Variants in CFAP47 observed in about 807,000 individuals in gnomAD.
CFAP47 encodes cilia and flagella associated protein 47.
A neutral mutation model predicts 148.1 loss-of-function variants in CFAP47; 29 were observed. The ratio of observed to expected loss-of-function variants is 0.20; its 90% CI spans 0.15 to 0.27. The LOEUF (loss-of-function observed/expected upper bound fraction) is 0.27, where lower values mean the gene tolerates loss of function less well. Ranked by LOEUF, CFAP47 falls within the 10% of genes least tolerant of loss-of-function variation. The pLI is 1.00. For missense variants in CFAP47, 1,872 were observed against 1,697.5 expected, an observed-to-expected ratio of 1.10 and a Z score of -1.81; for synonymous variants, 664 against 577.3, an observed-to-expected ratio of 1.15 and a Z score of -2.15.
At chrX:36,245,173 C>T (rs1403493571) in intron 48 of CFAP47, among the ~76,000 whole-genome samples, 1 of 111,030 alleles carries the variant, frequency 9.0e-6, no homozygotes, top group East Asian at 2.8e-4. Context: ...TCATGGGAAA[C>T]ACCTTCAAGA....
At chrX:36,096,688 G>C (rs1238739263) in intron 30 of CFAP47, among the ~76,000 whole-genome samples, 1 of 108,302 alleles carries the variant, frequency 9.2e-6, no homozygotes, top group Non-Finnish European at 1.9e-5. Context: ...ATTTCCATTA[G>C]CATGGGGTAT....
In CFAP47 at chrX:36,077,923, G is replaced by A. The variant is rs751091282; in HGVS notation, c.4691+4559G>A. Reference sequence around the variant, plus strand: ...ACACTCCTATAGTCTCAGCTACTAGGGAGGCTGAGGCAGGAGAATTTATTG... The same window carrying A: ...ACACTCCTATAGTCTCAGCTACTAGAGAGGCTGAGGCAGGAGAATTTATTG... On this transcript the variant is annotated intron_variant, in intron 29 of 63. Coordinates refer to ENST00000378653, the MANE Select transcript of CFAP47 (RefSeq NM_001304548.2). Among the ~76,000 whole-genome samples the A allele has an allele frequency of 2.2e-3, 248 of 110,673 alleles. 1 individual carries two copies. Among genetic ancestry groups the A allele is most frequent in the Non-Finnish European group, 3.6e-3 (191 of 52,893 alleles).
At position 36,236,843 on chromosome X, in the gene CFAP47, C is replaced by T. The variant is rs1940474474; in HGVS notation, c.7316C>T (p.Thr2439Ile). ...ATAACATTGCCTCATTTCACAAATACTGCCCTAACATTTAAGGTAAGAATT... is the reference window on the plus strand; with the variant it reads ...ATAACATTGCCTCATTTCACAAATATTGCCCTAACATTTAAGGTAAGAATT... The part of the protein sequence containing the change: ...KHITLPHFTN[T>I]ALTFKVTADL... Residue 2439 changes from threonine (T) to isoleucine (I), a missense_variant, in exon 48 of 64, where the codon ACT (threonine) becomes ATT (isoleucine). Thr to Ile is a moderately conservative substitution (Grantham distance 89). Transcript: ENST00000378653. 4.2e-6 allele frequency: 2 copies of T among 475,393 alleles called. No homozygotes were observed. Among genetic ancestry groups the T allele is most frequent in the Admixed American group, 3.3e-5 (1 of 29,868 alleles). The allele number at this position is 475,393 out of a possible 1,213,427, so 39.2% of individuals were successfully genotyped here. A position where few individuals can be genotyped will look rare whatever the true frequency, so the allele number is the denominator to read the frequency against.
chrX:36,110,010 T>C lies in CFAP47; in HGVS notation c.5320+5319T>C, dbSNP rs190516045. On this transcript the variant is annotated intron_variant, in intron 33 of 63. Coordinates refer to ENST00000378653, the MANE Select transcript of CFAP47 (RefSeq NM_001304548.2). Reference sequence around the variant, plus strand: ...ATAGATGACCTTATATTCCTTATATTAGACCTTTGTCAGGTGCATAGATTG... The same window carrying C: ...ATAGATGACCTTATATTCCTTATATCAGACCTTTGTCAGGTGCATAGATTG... Among the ~76,000 whole-genome samples the C allele has an allele frequency of 5.4e-5, 6 of 111,865 alleles. No individual in the cohort carries two copies. In the East Asian group the frequency reaches 1.4e-3, roughly 27 times the overall value.
At chrX:36,195,144 T>G (rs1268729941) in intron 42 of CFAP47, among the ~76,000 whole-genome samples, 2 of 112,904 alleles carry the variant, frequency 1.8e-5, no homozygotes, top group African/African-American at 6.4e-5. Context: ...GTCCGCTAAT[T>G]TCTATAAAAC....
chrX:36,383,256 G>A (rs781928287), intron 63 of CFAP47, among the ~76,000 whole-genome samples: 22 of 111,807 alleles, frequency 2.0e-4, no homozygotes, highest in African/African-American at 2.6e-4. Context: ...GTGTCTTGGC[G>A]AAGGTGAAGG....
At chrX:36,211,206 A>T in intron 45 of CFAP47, 1 of 247,477 alleles carries the variant, frequency 4.0e-6, no homozygotes. Flanking sequence ...AGAAGAAACA[A>T]CTAGATGCTT....
chrX:35,919,762 G>A lies in CFAP47; in HGVS notation c.-38G>A. 8.5e-7 allele frequency: 1 copy of A among 1,174,252 alleles called. No individual in the cohort carries two copies. The highest frequency in any genetic ancestry group is 1.1e-6 in the Non-Finnish European group (1 of 873,184). ...CGTCGACGCTAATCCTTGGCCGGAC[G>A]GATCCACATCTGTTTTCTGGCTACC... On this transcript the variant is annotated 5_prime_UTR_variant, in exon 1 of 64. Coordinates refer to ENST00000378653, the MANE Select transcript of CFAP47 (RefSeq NM_001304548.2).
chrX:36,111,519 G>T lies in CFAP47; in HGVS notation c.5320+6828G>T, dbSNP rs111272718. On this transcript the variant is annotated intron_variant, in intron 33 of 63. Coordinates refer to ENST00000378653, the MANE Select transcript of CFAP47 (RefSeq NM_001304548.2). ...TTCAGTTTGCCAGTATTTTGTTGAG[G>T]ATTCTTGCATCGATGTTCATCAAGG... Among the ~76,000 whole-genome samples, 1,089 of 111,796 alleles carry T rather than the reference G, an allele frequency of 9.7e-3. 8 individuals are homozygous for T. Among genetic ancestry groups the T allele is most frequent in the African/African-American group, 0.033 (1,026 of 30,788 alleles).
chrX:35,985,881 C>T, intron 15 of CFAP47: 1 of 308,445 alleles, frequency 3.2e-6, no homozygotes, highest in Non-Finnish European at 6.4e-6. Context: ...AGTCCTGCCC[C>T]TTCCTCCTAA....
In CFAP47 at chrX:36,332,782, C is replaced by A. The variant is rs782692206; in HGVS notation, c.8443+13475C>A. 2.7e-5 allele frequency among the ~76,000 whole-genome samples: 3 copies of A among 111,878 alleles called. No individual in the cohort carries two copies. The South Asian group carries it at 1.1e-3, about 41-fold the overall frequency. On this transcript the variant is annotated intron_variant, in intron 57 of 63. Coordinates refer to ENST00000378653, the MANE Select transcript of CFAP47 (RefSeq NM_001304548.2). ...AAGAAAGCTAGTAGGGGTAAAATGG[C>A]AAATGATGATACAATTATTTTGCAA...
At chrX:36,128,948 T>G (rs1938895152) in intron 33 of CFAP47, among the ~76,000 whole-genome samples, 1 of 110,129 alleles carries the variant, frequency 9.1e-6, no homozygotes, top group South Asian at 3.8e-4. Context: ...TTTTATTTTT[T>G]TTAATACATT....
chrX:36,296,146 G>A (rs1383122516), intron 51 of CFAP47, among the ~76,000 whole-genome samples: 1 of 111,553 alleles, frequency 9.0e-6, no homozygotes, highest in Non-Finnish European at 1.9e-5. Context: ...GATATTGCAA[G>A]GATGCCAAGG....
chrX:35,938,096 T>A (rs768982810), intron 2 of CFAP47, among the ~76,000 whole-genome samples: 2 of 111,860 alleles, frequency 1.8e-5, no homozygotes, highest in South Asian at 7.4e-4. Context: ...AGTGTTACGA[T>A]TTAAAAATAA....
At chrX:36,312,278 C>A (rs1556010156) in intron 56 of CFAP47, among the ~76,000 whole-genome samples, 1 of 110,076 alleles carries the variant, frequency 9.1e-6, no homozygotes, top group African/African-American at 3.3e-5. Flanking sequence ...AGTGGAAGGG[C>A]TTTGGAATTA....
chrX:36,315,044 T>C (rs781973694), intron 56 of CFAP47, among the ~76,000 whole-genome samples: 2 of 111,929 alleles, frequency 1.8e-5, no homozygotes, highest in Non-Finnish European at 3.8e-5. Flanking sequence ...CCCTAAAGCC[T>C]GAGAATCTGT....
chrX:36,030,082 T>G (rs1249618548), intron 22 of CFAP47, among the ~76,000 whole-genome samples: 1 of 110,737 alleles, frequency 9.0e-6, no homozygotes, highest in African/African-American at 3.3e-5. Flanking sequence ...CCTTGCCTGT[T>G]TGCTCATGTT....
rs756458644 is a variant in CFAP47 at position 35,932,667 on chromosome X, G to A, written c.401+6499G>A. ...TTTTGAGACGCAGTCTCACTCTGTC[G>A]TCAGGCTGGAGTGCAGTGGCGTGAT... On this transcript the variant is annotated intron_variant, in intron 2 of 63. Transcript: ENST00000378653. 1.3e-4 allele frequency among the ~76,000 whole-genome samples: 14 copies of A among 104,506 alleles called. No homozygotes were observed. In the South Asian group the frequency reaches 5.6e-3, roughly 42 times the overall value. 90.8% of individuals were successfully genotyped at this position (104,506 alleles called of 115,157 possible).
chrX:36,170,348 G>A (rs898115789), intron 39 of CFAP47, among the ~76,000 whole-genome samples: 17 of 110,828 alleles, frequency 1.5e-4, no homozygotes, highest in African/African-American at 5.6e-4. Context: ...TGCACAATGT[G>A]CAGGTTAGTT....
Sources: gnomAD v4.1 joint callset for allele counts (sites outside exome capture counted in the v4.1 genomes callset) on GRCh38, gnomAD v4.1.1 for gene constraint, MANE v1.5 for transcripts, NCBI Gene and HGNC (gene_info 2026-07-23, HGNC 2026-07-21) for gene names.